The following MYZAP variants were observed in gnomAD, a reference collection of about 807,000 sequenced individuals.
MYZAP encodes the protein myocardial zonula adherens protein.
MYZAP carries 66 observed loss-of-function variants against 69.4 expected under a neutral mutation model. The ratio of observed to expected loss-of-function variants is 0.95; its 90% CI spans 0.78 to 1.17. MYZAP has a LOEUF of 1.17. Ranked by LOEUF, MYZAP falls within the 50% of genes most tolerant of loss-of-function variation. The pLI, the probability that MYZAP is intolerant of heterozygous loss-of-function variation, is 0.00. For missense variants in MYZAP, 611 were observed against 556.2 expected (o/e 1.10, Z -0.99); for synonymous variants, 256 against 205.9 (o/e 1.24, Z -2.09).
intron 5 of MYZAP, among the ~76,000 whole-genome samples, chr15:57,629,088 CAAAAAAAA>C (rs1274144448): frequency 2.6e-5 from 3 of 115,082 alleles, no homozygotes; most frequent in East Asian, 2.7e-4. Flanking sequence ...GTCTCAAAAA[CAAAAAAAA>C]AAAAAAAAAA....
rs76847864 is a variant in MYZAP at position 57,598,148 on chromosome 15, G to A, written c.75+6039G>A. Among the ~76,000 whole-genome samples, 321 of 152,256 alleles carry A rather than the reference G, an allele frequency of 2.1e-3. 3 individuals are homozygous for A. The highest frequency in any genetic ancestry group is 7.5e-3 in the African/African-American group (312 of 41,542). On this transcript the variant is annotated intron_variant, in intron 1 of 12. Transcript: ENST00000267853. ...TGAGCCAAGGTGCCTGAAGTTGAGAGCATGATGTTACTGGATCCGCAGAGT... is the reference window on the plus strand; with the variant it reads ...TGAGCCAAGGTGCCTGAAGTTGAGAACATGATGTTACTGGATCCGCAGAGT...
At chr15:57,643,797 G>A (rs68186754) in intron 10 of MYZAP, among the ~76,000 whole-genome samples, 11,913 of 138,628 alleles carry the variant, frequency 0.086, 532 homozygotes, top group Middle Eastern at 0.15. Context: ...CTTTCATTTT[G>A]TCATGTCTTT....
intron 10 of MYZAP, chr15:57,647,455 A>G (rs2037500478): frequency 1.0e-6 from 1 of 985,340 alleles, no homozygotes; most frequent in South Asian, 4.7e-5. Context: ...TGGAAAAGTC[A>G]CTGGCATTTG....
chr15:57,623,229 G>GA (rs1158456001), intron 4 of MYZAP, among the ~76,000 whole-genome samples: 1 of 152,174 alleles, frequency 6.6e-6, no homozygotes, highest in Non-Finnish European at 1.5e-5. Flanking sequence ...GGTTGCTGAT[G>GA]AAAATGCAAT....
At chr15:57,669,489 T>C (rs1192849369) in intron 11 of MYZAP, among the ~76,000 whole-genome samples, 4 of 152,192 alleles carry the variant, frequency 2.6e-5, no homozygotes, top group Non-Finnish European at 5.9e-5. Flanking sequence ...TCTCTCCCTA[T>C]CTTATCCACT....
chr15:57,612,628 T>C (rs12324526), intron 2 of MYZAP, among the ~76,000 whole-genome samples: 12,197 of 152,310 alleles, frequency 0.08, 585 homozygotes, highest in Admixed American at 0.13. Context: ...ATTTAAGATT[T>C]GGACAATATC....
chr15:57,646,542 T>C (rs1211697365), intron 10 of MYZAP: 24 of 1,015,496 alleles, frequency 2.4e-5, no homozygotes, highest in Non-Finnish European at 2.8e-5. Flanking sequence ...GGAAGATGAA[T>C]CCTTACTTAT....
intron 1 of MYZAP, among the ~76,000 whole-genome samples, chr15:57,603,704 T>A (rs1456880668): frequency 1.3e-5 from 2 of 152,238 alleles, no homozygotes; most frequent in Non-Finnish European, 2.9e-5. Flanking sequence ...ATTGTATGTA[T>A]AAATAATATT....
At chr15:57,643,296 G>T (rs541931737) in intron 10 of MYZAP, among the ~76,000 whole-genome samples, 2 of 152,330 alleles carry the variant, frequency 1.3e-5, no homozygotes, top group South Asian at 2.1e-4. Flanking sequence ...GACATGGGCC[G>T]TGCTGGCACG....
At chr15:57,660,867 A>G (rs1423280538) in intron 10 of MYZAP, among the ~76,000 whole-genome samples, 1 of 152,148 alleles carries the variant, frequency 6.6e-6, no homozygotes, top group Non-Finnish European at 1.5e-5. Context: ...TCTTTTTAGG[A>G]AGCCTTTCTT....
chr15:57,614,621 G>A (rs1364107074), intron 2 of MYZAP, among the ~76,000 whole-genome samples: 1 of 152,198 alleles, frequency 6.6e-6, no homozygotes, highest in African/African-American at 2.4e-5. Context: ...GTTGGGGATG[G>A]GCAGGGGAAG....
At chr15:57,646,722 C>T (rs1459322799) in intron 10 of MYZAP, 20 of 986,428 alleles carry the variant, frequency 2.0e-5, no homozygotes, top group Non-Finnish European at 2.3e-5. Flanking sequence ...CTGAAGGTGT[C>T]CTTCCTGAAT....
intron 10 of MYZAP, among the ~76,000 whole-genome samples, chr15:57,640,737 C>T (rs368799118): frequency 9.9e-5 from 15 of 152,074 alleles, no homozygotes; most frequent in African/African-American, 3.4e-4. Flanking sequence ...AAAGTTTGTC[C>T]GCAAATGAGA....
chr15:57,666,908 C>G (rs1199106908), intron 11 of MYZAP, among the ~76,000 whole-genome samples: 9 of 152,138 alleles, frequency 5.9e-5, no homozygotes, highest in Admixed American at 2.0e-4. Context: ...TTTTTATTAG[C>G]TCAACTTCTG....
intron 1 of MYZAP, among the ~76,000 whole-genome samples, chr15:57,595,886 C>G (rs143100676): frequency 5.1e-4 from 77 of 152,290 alleles, no homozygotes; most frequent in African/African-American, 1.8e-3. Flanking sequence ...AGTCATTGTT[C>G]CTTGGCTAAT....
At chr15:57,671,831 TTGTC>T (rs2038882413) in intron 11 of MYZAP, among the ~76,000 whole-genome samples, 1 of 152,216 alleles carries the variant, frequency 6.6e-6, no homozygotes, top group African/African-American at 2.4e-5. Flanking sequence ...ATTAAAGTCT[TTGTC>T]TGAAAATTCC....
At position 57,682,013 on chromosome 15, in the gene MYZAP, A is replaced by G. The variant is rs192756297; in HGVS notation, c.1305-2389A>G. 5.3e-5 allele frequency among the ~76,000 whole-genome samples: 8 copies of G among 152,282 alleles called. No individual in the cohort carries two copies. The East Asian group carries it at 1.5e-3, about 29-fold the overall frequency. The stretch of plus-strand genomic sequence containing the variant: ...TTAGGCTTCATATACACATTTTGTC[A>G]TCGTGTTGGTTGGGATAAGGAATGT... On this transcript the variant is annotated intron_variant, in intron 12 of 12. Coordinates refer to ENST00000267853, the MANE Select transcript of MYZAP (RefSeq NM_001018100.5).
intron 10 of MYZAP, among the ~76,000 whole-genome samples, chr15:57,655,017 G>C (rs754937429): frequency 6.6e-6 from 1 of 152,146 alleles, no homozygotes; most frequent in Non-Finnish European, 1.5e-5. Flanking sequence ...CTTGTTCCCT[G>C]TGGGTTTGGG....
chr15:57,666,098 T>G (rs1042377964), intron 11 of MYZAP, among the ~76,000 whole-genome samples: 27 of 152,250 alleles, frequency 1.8e-4, no homozygotes, highest in African/African-American at 6.0e-4. Flanking sequence ...TCTTTCTTAA[T>G]TACTCAACCT....
Sources: allele counts gnomAD v4.1 joint callset (sites outside exome capture counted in the v4.1 genomes callset), GRCh38; gene constraint gnomAD v4.1.1; transcripts MANE v1.5; gene names NCBI Gene and HGNC (gene_info 2026-07-23, HGNC 2026-07-21).